The following NEGR1 variants were observed in gnomAD, a reference collection of about 807,000 sequenced individuals.
NEGR1 encodes neuronal growth regulator 1.
NEGR1 carries 10 observed loss-of-function variants against 40.9 expected under a neutral mutation model. The ratio of observed to expected loss-of-function variants is 0.24; its 90% CI spans 0.15 to 0.42. NEGR1 has a LOEUF of 0.42. Among genes scored for constraint, NEGR1 ranks in the 10% least tolerant of loss-of-function variants. The probability of loss-of-function intolerance (pLI) is 1.00; values close to 1 mark genes in which losing one functional copy is unlikely to be tolerated. For missense variants in NEGR1, 352 were observed against 438.9 expected (o/e 0.80, Z 1.77); for synonymous variants, 185 against 166.8 (o/e 1.11, Z -0.84).
intron 1 of NEGR1, among the ~76,000 whole-genome samples, chr1:72,183,870 T>A (rs954752190): frequency 6.6e-6 from 1 of 152,062 alleles, no homozygotes; most frequent in Non-Finnish European, 1.5e-5. Flanking sequence ...CCTTCAAGTA[T>A]GAGTAATATT....
chr1:71,836,476 A>ATG (rs1374460296), intron 2 of NEGR1, among the ~76,000 whole-genome samples: 52 of 89,726 alleles, frequency 5.8e-4, no homozygotes, highest in African/African-American at 1.5e-3. Flanking sequence ...CAAAATATAT[A>ATG]TGTGTATATA....
intron 1 of NEGR1, among the ~76,000 whole-genome samples, chr1:72,211,525 GA>G (rs976167006): frequency 2.8e-4 from 43 of 151,526 alleles, no homozygotes; most frequent in African/African-American, 9.7e-4. Context: ...TGCAGAGTCA[GA>G]ATACAAGCCA....
rs181719895 is a variant in NEGR1, at chr1:72,013,920, T to C, written c.177-78609A>G. ...TTACCTAAGAAATCATTTAAGAAAG[T>C]GTGTGGGAAGAATACAAGTCCCAAG... is the stretch of plus-strand genomic sequence containing the variant. On this transcript the variant is annotated intron_variant, in intron 1 of 6. Coordinates refer to ENST00000357731, the MANE Select transcript of NEGR1 (RefSeq NM_173808.3). 3.5e-3 allele frequency among the ~76,000 whole-genome samples: 469 copies of C among 132,710 alleles called. 7 individuals are homozygous for C. Among genetic ancestry groups the C allele is most frequent in the African/African-American group, 0.013 (448 of 34,204 alleles). 87.1% of individuals were successfully genotyped at this position (132,710 alleles called of 152,430 possible).
intron 1 of NEGR1, among the ~76,000 whole-genome samples, chr1:72,015,591 GC>G (rs1219910356): frequency 1.3e-5 from 2 of 152,086 alleles, no homozygotes; most frequent in Non-Finnish European, 2.9e-5. Flanking sequence ...GATTGCTTCA[GC>G]CCAGGAAGTT....
intron 1 of NEGR1, among the ~76,000 whole-genome samples, chr1:72,254,358 T>C (rs1655195207): frequency 6.6e-6 from 1 of 152,052 alleles, no homozygotes; most frequent in Non-Finnish European, 1.5e-5. Flanking sequence ...TGGAAGATCG[T>C]TGTGCTTTCA....
intron 2 of NEGR1, among the ~76,000 whole-genome samples, chr1:71,825,823 A>G (rs925915765): frequency 2.0e-5 from 3 of 151,990 alleles, no homozygotes; most frequent in African/African-American, 7.2e-5. Flanking sequence ...ATAGAATTAT[A>G]TAGTAAAGAA....
At chr1:72,026,146 A>G (rs1211133672) in intron 1 of NEGR1, among the ~76,000 whole-genome samples, 4 of 142,734 alleles carry the variant, frequency 2.8e-5, no homozygotes, top group African/African-American at 5.1e-5. Context: ...AAAAAAAATG[A>G]CATAATTAAA....
intron 2 of NEGR1, among the ~76,000 whole-genome samples, chr1:71,883,117 C>G (rs1053936575): frequency 6.6e-6 from 1 of 152,114 alleles, no homozygotes; most frequent in Non-Finnish European, 1.5e-5. Flanking sequence ...TTTCTTCTAA[C>G]AAAGCATTGC....
At chr1:71,942,756 C>T (rs1305692431) in intron 1 of NEGR1, among the ~76,000 whole-genome samples, 1 of 146,914 alleles carries the variant, frequency 6.8e-6, no homozygotes, top group Non-Finnish European at 1.5e-5. Flanking sequence ...CCCGCCTCGG[C>T]CTCCCAAAGT....
chr1:71,563,115 C>T (rs923382488), intron 6 of NEGR1, among the ~76,000 whole-genome samples: 10 of 151,976 alleles, frequency 6.6e-5, no homozygotes, highest in African/African-American at 1.4e-4. Flanking sequence ...TAGAATCTCA[C>T]GTGGCATATA....
intron 1 of NEGR1, among the ~76,000 whole-genome samples, chr1:72,065,207 G>T (rs1287735159): frequency 6.6e-6 from 1 of 151,878 alleles, no homozygotes; most frequent in Non-Finnish European, 1.5e-5. Flanking sequence ...TGTATATTTT[G>T]CACACTGTAT....
Position 72,250,953 on chromosome 1 carries a change from A to G in NEGR1, c.176+31366T>C, listed in dbSNP as rs536314740. 5.3e-5 allele frequency among the ~76,000 whole-genome samples: 8 copies of G among 152,336 alleles called. No individual in the cohort carries two copies. The South Asian group carries it at 1.4e-3, about 28-fold the overall frequency. On this transcript the variant is annotated intron_variant, in intron 1 of 6. Transcript: ENST00000357731. ...TCTGCTCTATGTACTACTGCCCAGC[A>G]TGCTATCCATAACTCTCCAGATAAA... is the stretch of plus-strand genomic sequence containing the variant.
Position 71,942,505 on chromosome 1 carries a change from T to A in NEGR1, c.177-7194A>T, listed in dbSNP as rs1189952206. ...TATATTTTTTTTTTTTTTTTTTTTT[T>A]TTTTTTTTTTTTTTGAGACGGAGTC... is the stretch of plus-strand genomic sequence containing the variant. On this transcript the variant is annotated intron_variant, in intron 1 of 6. Coordinates refer to ENST00000357731, the MANE Select transcript of NEGR1 (RefSeq NM_173808.3). Among the ~76,000 whole-genome samples the A allele has an allele frequency of 4.5e-4, 23 of 50,666 alleles. 1 individual carries two copies. Among genetic ancestry groups the A allele is most frequent in the African/African-American group, 1.9e-3 (22 of 11,790 alleles). The allele number at this position is 50,666 out of a possible 152,430, so 33.2% of individuals were successfully genotyped here.
At chr1:71,560,429 TTA>T (rs58813234) in intron 6 of NEGR1, among the ~76,000 whole-genome samples, 83,424 of 114,268 alleles carry the variant, frequency 0.73, 29,245 homozygotes, top group Middle Eastern at 0.77. Context: ...TAATTCTCCA[TTA>T]TATATATATA....
intron 4 of NEGR1, among the ~76,000 whole-genome samples, chr1:71,656,061 G>GA (rs1651862942): frequency 3.9e-5 from 6 of 152,144 alleles, no homozygotes; most frequent in Admixed American, 3.3e-4. Context: ...TATAACTGAA[G>GA]AAAATGAAGC....
chr1:71,587,334 C>G (rs1005518154), intron 6 of NEGR1, among the ~76,000 whole-genome samples: 1 of 152,146 alleles, frequency 6.6e-6, no homozygotes, highest in South Asian at 2.1e-4. Context: ...TTACATTACT[C>G]TCTCTTACTT....
chr1:72,015,076 A>G (rs1219570775), intron 1 of NEGR1, among the ~76,000 whole-genome samples: 1 of 151,188 alleles, frequency 6.6e-6, no homozygotes, highest in Non-Finnish European at 1.5e-5. Flanking sequence ...TCTTCCAATT[A>G]TTACTGATAT....
intron 3 of NEGR1, among the ~76,000 whole-genome samples, chr1:71,733,687 C>T (rs1017687951): frequency 6.6e-6 from 1 of 152,160 alleles, no homozygotes. Context: ...ATGAGAGACC[C>T]AGGAAAAGTT....
chr1:72,239,636 G>T (rs368537380), intron 1 of NEGR1, among the ~76,000 whole-genome samples: 18 of 151,552 alleles, frequency 1.2e-4, no homozygotes, highest in African/African-American at 4.1e-4. Flanking sequence ...TCAATATAAC[G>T]ATAAAAAATA....
Sources: gnomAD v4.1 joint callset for allele counts (sites outside exome capture counted in the v4.1 genomes callset) on GRCh38, gnomAD v4.1.1 for gene constraint, MANE v1.5 for transcripts, NCBI Gene and HGNC (gene_info 2026-07-23, HGNC 2026-07-21) for gene names.